ZSCAN31: variants seen among roughly 807,000 people sequenced by gnomAD.
ZSCAN31 encodes zinc finger and SCAN domain-containing protein 31.
ZSCAN31 carries 14 observed loss-of-function variants against 22.5 expected under a neutral mutation model. The observed-to-expected ratio is 0.62, with a 90% CI of 0.41 to 0.97. ZSCAN31 has a LOEUF of 0.97. ZSCAN31 is among the 50% of genes least tolerant of loss of function. The probability of loss-of-function intolerance (pLI) is 0.00; values close to 1 mark genes in which losing one functional copy is unlikely to be tolerated. For synonymous variants in ZSCAN31, 168 were observed against 169.8 expected (o/e 0.99, Z 0.08); for missense variants, 424 against 483.4 (o/e 0.88, Z 1.15).
chr6:28,328,519 A>C (rs1423778044), intron 2 of ZSCAN31, among the ~76,000 whole-genome samples: 2 of 152,228 alleles, frequency 1.3e-5, no homozygotes, highest in Non-Finnish European at 2.9e-5. Context: ...ACTGGCAGTC[A>C]GAATTTAAGG....
At position 28,331,835 on chromosome 6, in the gene ZSCAN31, T is replaced by C. The variant is rs1763772627; in HGVS notation, c.-95-2057A>G. On this transcript the variant is annotated intron_variant, in intron 1 of 3. Coordinates refer to ENST00000344279, the MANE Select transcript of ZSCAN31 (RefSeq NM_030899.5). The surrounding 1 kb of genome is among the most constrained non-coding windows in gnomAD (Gnocchi z 4.8). ...AGTTGGCTTTTTTTGTTTTTTGTTT[T>C]CTTGATCACTACAGGCAATCTCTCA... 1.3e-5 allele frequency among the ~76,000 whole-genome samples: 2 copies of C among 152,314 alleles called. No individual in the cohort carries two copies. Among genetic ancestry groups the C allele is most frequent in the African/African-American group, 4.8e-5 (2 of 41,568 alleles).
chr6:28,334,372 A>G (rs1167666579), intron 1 of ZSCAN31, among the ~76,000 whole-genome samples: 1 of 146,972 alleles, frequency 6.8e-6, no homozygotes, highest in Non-Finnish European at 1.5e-5. Flanking sequence ...ACAATGCAGA[A>G]TTTGATGTGT....
Position 28,325,874 on chromosome 6 carries a change from A to G in ZSCAN31, c.*292T>C. ...ATTTGGTGCCTTTAAAGGAAATCAT[A>G]AGAAATGGACCAAAGGCTAGGGAAT... On this transcript the variant is annotated 3_prime_UTR_variant, in exon 4 of 4. Transcript: ENST00000344279. 1 of 254,792 alleles carries G rather than the reference A, an allele frequency of 3.9e-6. No homozygotes were observed. The highest frequency in any genetic ancestry group is 1.0e-4 in the South Asian group (1 of 9,694). 15.8% of individuals were successfully genotyped at this position (254,792 alleles called of 1,614,324 possible). A position where few individuals can be genotyped will look rare whatever the true frequency, so the allele number is the denominator to read the frequency against.
intron 2 of ZSCAN31, among the ~76,000 whole-genome samples, chr6:28,350,689 G>A (rs975513427): frequency 6.6e-6 from 1 of 152,158 alleles, no homozygotes; most frequent in African/African-American, 2.4e-5. Flanking sequence ...TGACACATTA[G>A]TGACTGGCTT....
chr6:28,327,471 G>C lies in ZSCAN31; in HGVS notation c.444C>G (p.Val148=), dbSNP rs1252096422. 2.5e-6 allele frequency: 4 copies of C among 1,613,854 alleles called. No individual in the cohort carries two copies. The African/African-American group carries it at 5.3e-5, about 22-fold the overall frequency. ...VLLEDVEHLK[V]KQEPTDIQLQ... is the part of the protein sequence containing the mutation. ...GCTGTATGTCTGTTGGTTCCTGCTT[G>C]ACCTTCAGATGTTCCACATCCTCCA... The change falls in exon 3 of 4, where the codon GTC becomes GTG. Residue 148 remains valine (V), a synonymous_variant. Transcript: ENST00000344279.
At chr6:28,343,542 C>CTTTTTTTTTTTTTTTT (rs34131321) in intron 2 of ZSCAN31, among the ~76,000 whole-genome samples, 52 of 105,862 alleles carry the variant, frequency 4.9e-4, no homozygotes, top group Non-Finnish European at 6.4e-4. Context: ...TTTTTTCTTT[C>CTTTTTTTTTTTTTTTT]TTTTTTTTTT....
rs1323888887 is a variant in ZSCAN31, at chr6:28,349,096, G to C, written c.-371+4766C>G. 4.2e-5 allele frequency among the ~76,000 whole-genome samples: 6 copies of C among 144,050 alleles called. No individual in the cohort carries two copies. The highest frequency in any genetic ancestry group is 1.4e-4 in the Admixed American group (2 of 14,308). 94.5% of individuals were successfully genotyped at this position (144,050 alleles called of 152,430 possible). A position where few individuals can be genotyped will look rare whatever the true frequency, so the allele number is the denominator to read the frequency against. ...GTATATACATGTCTCATATACATAG[G>C]TGTATATACATGTCTCATATACATA... On this transcript the variant is annotated intron_variant, in intron 2 of 7. Coordinates refer to the ZSCAN31 transcript ENST00000396838. This position sits in a 1 kb window ranked among gnomAD's most constrained non-coding sequence, Gnocchi z 4.1.
Position 28,329,475 on chromosome 6 carries a change from G to A in ZSCAN31, c.209C>T (p.Pro70Leu), listed in dbSNP as rs772344860. 1.3e-4 allele frequency: 212 copies of A among 1,614,048 alleles called. 1 individual carries two copies. Among genetic ancestry groups the A allele is most frequent in the Non-Finnish European group, 1.7e-4 (197 of 1,180,050 alleles). Residue 70 changes from proline (P) to leucine (L), a missense_variant, in exon 2 of 4, where the codon CCA becomes CTA. By Grantham distance (98) the Pro-to-Leu change is moderately conservative (BLOSUM62 -3). Coordinates refer to ENST00000344279, the MANE Select transcript of ZSCAN31 (RefSeq NM_030899.5). ...LRELCHQWLR[P>L]EIHTKEQILE... Reference sequence around the variant, plus strand: ...GATTTGCTCTTTGGTGTGGATTTCTGGCCTTAGCCACTGATGACAGAGTTC... The same window carrying A: ...GATTTGCTCTTTGGTGTGGATTTCTAGCCTTAGCCACTGATGACAGAGTTC...
upstream of ZSCAN31, among the ~76,000 whole-genome samples, chr6:28,338,632 CT>C (rs1249837575): frequency 1.3e-5 from 2 of 151,968 alleles, no homozygotes; most frequent in African/African-American, 2.4e-5. Flanking sequence ...TCCAGCTATA[CT>C]ACAAATTTTA....
upstream of ZSCAN31, chr6:28,336,729 GC>G (rs1311867395): frequency 3.3e-5 from 5 of 152,292 alleles, no homozygotes; most frequent in African/African-American, 9.6e-5. Context: ...TTGTAAAATG[GC>G]ATCACTATTG....
chr6:28,348,010 C>T (rs1483952631), intron 2 of ZSCAN31, among the ~76,000 whole-genome samples: 1 of 151,870 alleles, frequency 6.6e-6, no homozygotes, highest in African/African-American at 2.4e-5. Context: ...TTCGAGATTC[C>T]TCTCTGGGAA....
intron 2 of ZSCAN31, among the ~76,000 whole-genome samples, chr6:28,343,542 C>CTTTTTTTT (rs34131321): frequency 9.4e-6 from 1 of 105,876 alleles, no homozygotes; most frequent in Non-Finnish European, 1.8e-5. Context: ...TTTTTTCTTT[C>CTTTTTTTT]TTTTTTTTTT....
intron 2 of ZSCAN31, among the ~76,000 whole-genome samples, chr6:28,327,981 C>T (rs1478669717): frequency 6.6e-6 from 1 of 152,190 alleles, no homozygotes; most frequent in East Asian, 1.9e-4. Context: ...CCAGGGAAGA[C>T]ATCACATGTC....
chr6:28,352,104 C>T (rs796279599), intron 2 of ZSCAN31, among the ~76,000 whole-genome samples: 26 of 152,200 alleles, frequency 1.7e-4, no homozygotes, highest in African/African-American at 5.3e-4. Context: ...CCCATTCCCT[C>T]CCACTCCTTT....
intron 2 of ZSCAN31, among the ~76,000 whole-genome samples, chr6:28,352,572 G>A (rs1765110241): frequency 6.6e-6 from 1 of 152,086 alleles, no homozygotes; most frequent in African/African-American, 2.4e-5. Flanking sequence ...TTGTACCCAA[G>A]GCATTAGGAT....
Position 28,329,528 on chromosome 6 carries a change from A to C in ZSCAN31, c.156T>G (p.Gly52=), listed in dbSNP as rs1372863831. Residue 52 remains glycine, a synonymous_variant, in exon 2 of 4, where the codon GGT becomes GGG. Transcript: ENST00000344279. ...FRQFCYQETP[G]PREALSRLRE... ...GGAGCCGGCTCAGAGCTTCTCGGGG[A>C]CCAGGAGTCTCTTGGTAACAAAACT... The C allele has an allele frequency of 5.6e-6, 9 of 1,614,044 alleles. No individual in the cohort carries two copies. The highest frequency in any genetic ancestry group is 1.3e-5 in the African/African-American group (1 of 74,914).
Position 28,326,036 on chromosome 6 carries a change from T to C in ZSCAN31, c.*130A>G, listed in dbSNP as rs1302773380. 5.9e-6 allele frequency: 5 copies of C among 854,238 alleles called. No homozygotes were observed. Among genetic ancestry groups the C allele is most frequent in the Non-Finnish European group, 7.3e-6 (4 of 548,088 alleles). The allele number at this position is 854,238 out of a possible 1,614,324, so 52.9% of individuals were successfully genotyped here. A position where few individuals can be genotyped will look rare whatever the true frequency, so the allele number is the denominator to read the frequency against. On this transcript the variant is annotated 3_prime_UTR_variant, in exon 4 of 4. Transcript: ENST00000344279. ...AGAATAAGCCACTTGAAAATCTTACTTTCCAAGACGGCCCCATTTAGGGGT... is the reference window on the plus strand; with the variant it reads ...AGAATAAGCCACTTGAAAATCTTACCTTCCAAGACGGCCCCATTTAGGGGT...
At chr6:28,327,699 G>C (rs1763406474) in intron 2 of ZSCAN31, among the ~76,000 whole-genome samples, 166 bp from the exon 3 acceptor site, 1 of 152,058 alleles carries the variant, frequency 6.6e-6, no homozygotes, top group South Asian at 2.1e-4. Context: ...AGGGAAGAGT[G>C]GCCCAATCAA....
At position 28,326,034 on chromosome 6, in the gene ZSCAN31, ACTTTCCAAGACGG is replaced by A; in HGVS notation, c.*119_*131del. On this transcript the variant is annotated 3_prime_UTR_variant, in exon 4 of 4. Transcript: ENST00000344279. Reference sequence around the variant, plus strand: ...ACAGAATAAGCCACTTGAAAATCTTACTTTCCAAGACGGCCCCATTTAGGGGTCTGAGGGTCCA... The same window carrying A: ...ACAGAATAAGCCACTTGAAAATCTTACCCCATTTAGGGGTCTGAGGGTCCA... 3 of 821,010 alleles carry A rather than the reference ACTTTCCAAGACGG, an allele frequency of 3.7e-6. No individual in the cohort carries two copies. The highest frequency in any genetic ancestry group is 5.8e-6 in the Non-Finnish European group (3 of 517,760). 50.9% of individuals were successfully genotyped at this position (821,010 alleles called of 1,614,324 possible). A position where few individuals can be genotyped will look rare whatever the true frequency, so the allele number is the denominator to read the frequency against.
Sources: allele counts gnomAD v4.1 joint callset (sites outside exome capture counted in the v4.1 genomes callset), GRCh38; gene constraint gnomAD v4.1.1; non-coding constraint Gnocchi (gnomAD v3.1); transcripts MANE v1.5; gene names NCBI Gene and HGNC (gene_info 2026-07-23, HGNC 2026-07-21).